GYG2: variants seen among roughly 807,000 people sequenced by gnomAD.
The protein encoded by GYG2 is glycogenin 2.
GYG2 carries 29 observed loss-of-function variants against 29.4 expected under a neutral mutation model. The observed-to-expected ratio is 0.99, with a 90% CI of 0.74 to 1.35. The LOEUF (loss-of-function observed/expected upper bound fraction) is 1.35. GYG2 is among the 40% of genes most tolerant of loss of function. The pLI is 0.00. For synonymous variants in GYG2, 167 were observed against 172.3 expected, an observed-to-expected ratio of 0.97 and a Z score of 0.24; for missense variants, 370 against 385.7, an observed-to-expected ratio of 0.96 and a Z score of 0.34.
Position 2,830,209 on chromosome X carries a change from G to A in GYG2, c.7+14G>A, listed in dbSNP as rs771527869. 8.4e-7 allele frequency: 1 copy of A among 1,194,419 alleles called. No homozygotes were observed. The highest frequency in any genetic ancestry group is 3.0e-5 in the East Asian group (1 of 33,735). ...TGACCATGTCGGGTGAGTAGCTCAA[G>A]CTGCTTCAGTTCAGCCTGCCTGTTC... is the stretch of plus-strand genomic sequence containing the variant. On this transcript the variant is annotated intron_variant, in intron 2 of 10. Coordinates refer to ENST00000398806, the MANE Select transcript of GYG2 (RefSeq NM_001079855.2).
At chrX:2,873,542 TCTC>T (rs893899518) in intron 8 of GYG2, among the ~76,000 whole-genome samples, 1 of 109,875 alleles carries the variant, frequency 9.1e-6, no homozygotes, top group Non-Finnish European at 1.9e-5. Context: ...TCCTCCTCTT[TCTC>T]CTCCTCCTCC....
chrX:2,879,277 T>C (rs749884203), intron 10 of GYG2, among the ~76,000 whole-genome samples: 15 of 105,885 alleles, frequency 1.4e-4, no homozygotes, highest in Non-Finnish European at 2.5e-4. Context: ...TTTCTTTTTT[T>C]TTTTTTTTTT....
intron 3 of GYG2, among the ~76,000 whole-genome samples, chrX:2,848,543 A>G: frequency 3.0e-4 from 1 of 3,378 alleles, no homozygotes; most frequent in Admixed American, 4.4e-3. Flanking sequence ...GTCAAAAAAG[A>G]AGGGAAAAAA....
chrX:2,829,991 A>G (rs978840836), intron 1 of GYG2, 70 bp from the exon 2 acceptor site: 3 of 436,133 alleles, frequency 6.9e-6, no homozygotes, highest in South Asian at 3.4e-5. Flanking sequence ...TGGAGTGGGT[A>G]GGAGGCCGGG....
chrX:2,830,640 G>A (rs2087243621), intron 2 of GYG2, among the ~76,000 whole-genome samples: 1 of 112,137 alleles, frequency 8.9e-6, no homozygotes, highest in Admixed American at 9.4e-5. Context: ...TACAGGGATG[G>A]CCCGGCTTGG....
At chrX:2,855,222 G>A in intron 5 of GYG2, 67 bp downstream of exon 5, 3 of 971,931 alleles carry the variant, frequency 3.1e-6, no homozygotes, top group Non-Finnish European at 4.3e-6. Flanking sequence ...GATGTAACAC[G>A]AAGTCAGCCG....
chrX:2,868,868 G>A (rs1012240616), intron 8 of GYG2, among the ~76,000 whole-genome samples: 1 of 111,294 alleles, frequency 9.0e-6, no homozygotes, highest in African/African-American at 3.3e-5. Context: ...TTTAACAAAA[G>A]GTATGTTGAT....
intron 8 of GYG2, among the ~76,000 whole-genome samples, chrX:2,869,184 A>G (rs932545287): frequency 8.9e-6 from 1 of 112,485 alleles, no homozygotes; most frequent in Non-Finnish European, 1.9e-5. Context: ...TCTTGTTATT[A>G]TTCCCTAAAC....
At chrX:2,832,620 C>T (rs1288190676) in intron 2 of GYG2, among the ~76,000 whole-genome samples, 2 of 111,363 alleles carry the variant, frequency 1.8e-5, no homozygotes, top group African/African-American at 6.5e-5. Context: ...CTGCAGCTTC[C>T]GCCTCTTGGG....
chrX:2,867,552 C>T (rs193071302), intron 8 of GYG2, among the ~76,000 whole-genome samples: 16 of 111,089 alleles, frequency 1.4e-4, no homozygotes, highest in African/African-American at 4.2e-4. Context: ...TAGTTACAGC[C>T]GGAGGGGGGA....
At position 2,856,499 on chromosome X, in the gene GYG2, G is replaced by A; in HGVS notation, c.489G>A (p.Gly163=). The A allele has an allele frequency of 8.3e-7, 1 of 1,208,359 alleles. No individual in the cohort carries two copies. Among genetic ancestry groups the A allele is most frequent in the African/African-American group, 1.7e-5 (1 of 57,475 alleles). The change falls in exon 6 of 11, where the codon GGG becomes GGA. Residue 163 remains glycine (G), a splice_region_variant and synonymous_variant. Coordinates refer to ENST00000398806, the MANE Select transcript of GYG2 (RefSeq NM_001079855.2). ...QHAMEHGSFD[G]ADQGLLNSFF... ...CTTTTGTGTTTGCTCATTATGTAGGGGCAGACCAAGGCTTACTGAATAGTT... is the reference window on the plus strand; with the variant it reads ...CTTTTGTGTTTGCTCATTATGTAGGAGCAGACCAAGGCTTACTGAATAGTT...
chrX:2,844,109 A>T (rs2087567580), intron 3 of GYG2, among the ~76,000 whole-genome samples: 1 of 112,524 alleles, frequency 8.9e-6, no homozygotes. Flanking sequence ...TGGACCACTT[A>T]AAAAAATTGA....
Position 2,844,654 on chromosome X carries a change from ACG to A in GYG2, c.149+1302_149+1303del, listed in dbSNP as rs1286537265. Among the ~76,000 whole-genome samples the A allele has an allele frequency of 3.4e-4, 6 of 17,723 alleles. 2 individuals are homozygous for A. The highest frequency in any genetic ancestry group is 7.0e-4 in the African/African-American group (2 of 2,843). The allele number at this position is 17,723 out of a possible 115,157, so 15.4% of individuals were successfully genotyped here. A position where few individuals can be genotyped will look rare whatever the true frequency, so the allele number is the denominator to read the frequency against. ...CGCATGCGTATATGTGTATACGCAC[ACG>A]CATGCGTATATGTGTATACGCACAC... On this transcript the variant is annotated intron_variant, in intron 3 of 10. Coordinates refer to ENST00000398806, the MANE Select transcript of GYG2 (RefSeq NM_001079855.2).
chrX:2,861,680 G>C lies in GYG2; in HGVS notation c.996G>C (p.Val332=). The C allele has an allele frequency of 1.7e-6, 2 of 1,202,273 alleles. No homozygotes were observed. The highest frequency in any genetic ancestry group is 2.2e-6 in the Non-Finnish European group (2 of 890,075). ...AQGLPEPTQI[V]DETLSLPEGR... Reference sequence around the variant, plus strand: ...GCCTTCCGGAGCCGACCCAGATAGTGGATGAGACCCTGTCCCTACCTGAAG... The same window carrying C: ...GCCTTCCGGAGCCGACCCAGATAGTCGATGAGACCCTGTCCCTACCTGAAG... Residue 332 remains valine, a synonymous_variant, in exon 8 of 11, where the codon GTG becomes GTC. Coordinates refer to ENST00000398806, the MANE Select transcript of GYG2 (RefSeq NM_001079855.2).
At chrX:2,859,765 C>A in intron 6 of GYG2, 78 bp from the exon 7 acceptor site, 1 of 602,784 alleles carries the variant, frequency 1.7e-6, no homozygotes, top group Non-Finnish European at 2.7e-6. Context: ...TTGAGGAGCC[C>A]CATGGTAGGT....
intron 10 of GYG2, chrX:2,878,201 T>C (rs1361878676): frequency 9.4e-6 from 7 of 744,998 alleles, no homozygotes; most frequent in East Asian, 1.5e-4. Context: ...CAGTGTGAGG[T>C]TGGGTAAGAC....
chrX:2,868,743 C>T (rs1169182443), intron 8 of GYG2, among the ~76,000 whole-genome samples: 2 of 110,616 alleles, frequency 1.8e-5, no homozygotes, highest in South Asian at 7.7e-4. Flanking sequence ...AGCTAGGTGA[C>T]GGGTTGATAG....
chrX:2,841,171 T>G (rs2087489244), intron 2 of GYG2, among the ~76,000 whole-genome samples: 1 of 108,295 alleles, frequency 9.2e-6, no homozygotes, highest in African/African-American at 3.4e-5. Flanking sequence ...TAGGGATAGA[T>G]AGACAATGGA....
chrX:2,859,874 T>C lies in GYG2; in HGVS notation c.646T>C (p.Leu216=). The C allele has an allele frequency of 8.3e-7, 1 of 1,204,378 alleles. No homozygotes were observed. The highest frequency in any genetic ancestry group is 1.8e-5 in the South Asian group (1 of 56,580). Residue 216 remains leucine (L), a synonymous_variant, in exon 7 of 11, where the codon TTG becomes CTG. Transcript: ENST00000398806. ...FGSSAKVVHF[L]GSMKPWNYKY... ...TTCCAGTGCAAAGGTCGTCCACTTT[T>C]TGGGGTCCATGAAACCTTGGAACTA...
Sources: allele counts gnomAD v4.1 joint callset (sites outside exome capture counted in the v4.1 genomes callset), GRCh38; gene constraint gnomAD v4.1.1; transcripts MANE v1.5; gene names NCBI Gene and HGNC (gene_info 2026-07-23, HGNC 2026-07-21).